The following DIAPH3 variants were observed in gnomAD, a reference collection of about 807,000 sequenced individuals.
The protein encoded by DIAPH3 is protein diaphanous homolog 3.
Under a neutral mutation model 144.3 loss-of-function variants are expected in DIAPH3, and 117 were observed. The ratio of observed to expected loss-of-function variants is 0.81; its 90% CI spans 0.70 to 0.95. The LOEUF (loss-of-function observed/expected upper bound fraction) is 0.95. DIAPH3 is among the 40% of genes least tolerant of loss of function. The pLI is 0.00. For missense variants in DIAPH3, 1,421 were observed against 1,412.7 expected (o/e 1.01, Z -0.09); for synonymous variants, 519 against 488.9 (o/e 1.06, Z -0.81).
chr13:59,861,631 G>T (rs2043596308), intron 21 of DIAPH3, 95 bp from the exon 22 acceptor site: 2 of 1,331,090 alleles, frequency 1.5e-6, no homozygotes, highest in African/African-American at 1.5e-5. Flanking sequence ...TGTAGATAAG[G>T]ACTAAAAGTT....
chr13:60,083,516 T>G (rs931332671), intron 4 of DIAPH3, among the ~76,000 whole-genome samples: 2 of 152,034 alleles, frequency 1.3e-5, no homozygotes, highest in Non-Finnish European at 1.5e-5. Flanking sequence ...TAGCTGTCTC[T>G]GTGCAGGAAA....
intron 4 of DIAPH3, among the ~76,000 whole-genome samples, chr13:60,065,257 A>G (rs2056912356): frequency 2.0e-5 from 3 of 149,056 alleles, no homozygotes; most frequent in Admixed American, 6.7e-5. Context: ...ATTTATTAAA[A>G]AAAAAAAAAA....
At chr13:59,701,228 A>C (rs1481378209) in intron 27 of DIAPH3, among the ~76,000 whole-genome samples, 1 of 152,248 alleles carries the variant, frequency 6.6e-6, no homozygotes, top group Non-Finnish European at 1.5e-5. Flanking sequence ...GAATGTTCGC[A>C]ATATGATATA....
chr13:60,156,297 T>G (rs904163397), intron 1 of DIAPH3, among the ~76,000 whole-genome samples: 22 of 152,178 alleles, frequency 1.4e-4, no homozygotes, highest in Admixed American at 1.4e-3. Flanking sequence ...CTTAATCATC[T>G]GTGTAAAGTC....
chr13:59,943,390 G>A (rs1280929429), intron 17 of DIAPH3, among the ~76,000 whole-genome samples: 8 of 152,100 alleles, frequency 5.3e-5, no homozygotes, highest in Admixed American at 3.3e-4. Context: ...TCCATTTCCT[G>A]GGGAAGGACG....
At chr13:59,829,578 G>A (rs145967912) in intron 24 of DIAPH3, among the ~76,000 whole-genome samples, 9 of 151,946 alleles carry the variant, frequency 5.9e-5, no homozygotes, top group African/African-American at 1.4e-4. Context: ...AGCTCCAGAC[G>A]CATGGTTAGC....
rs961442329 is a variant in DIAPH3, at chr13:59,916,994, C to T, written c.2171-745G>A. 2.6e-5 allele frequency among the ~76,000 whole-genome samples: 4 copies of T among 152,142 alleles called. No homozygotes were observed. In the South Asian group the frequency reaches 8.3e-4, roughly 32 times the overall value. On this transcript the variant is annotated intron_variant, in intron 18 of 27. Coordinates refer to ENST00000400324, the MANE Select transcript of DIAPH3 (RefSeq NM_001042517.2). ...GATATTTTCACAGCAACAGATACAA[C>T]GCTTTTGCTAGTTCAACCCTTATTG...
chr13:60,127,911 T>C (rs1223585546), intron 2 of DIAPH3, among the ~76,000 whole-genome samples: 1 of 152,162 alleles, frequency 6.6e-6, no homozygotes, highest in Non-Finnish European at 1.5e-5. Flanking sequence ...TCAACTTTTT[T>C]TTTAACTTTT....
intron 4 of DIAPH3, among the ~76,000 whole-genome samples, chr13:60,081,856 C>T (rs1172854634): frequency 1.3e-5 from 2 of 151,986 alleles, no homozygotes; most frequent in African/African-American, 4.8e-5. Flanking sequence ...TGAGTGACTA[C>T]AAGAGGCCCA....
At chr13:59,711,813 C>A (rs1455695518) in intron 27 of DIAPH3, among the ~76,000 whole-genome samples, 1 of 152,076 alleles carries the variant, frequency 6.6e-6, no homozygotes, top group East Asian at 1.9e-4. Flanking sequence ...TCATTTGGCA[C>A]AGAGTTAACA....
intron 1 of DIAPH3, among the ~76,000 whole-genome samples, chr13:60,157,089 C>T (rs886872614): frequency 1.3e-5 from 2 of 151,284 alleles, no homozygotes; most frequent in Non-Finnish European, 2.9e-5. Context: ...GGATTACAGG[C>T]GCCCACTGCC....
rs1412232980 is a variant in DIAPH3 at position 59,830,622 on chromosome 13, A to T, written c.3027+2485T>A. Among the ~76,000 whole-genome samples the T allele has an allele frequency of 2.0e-5, 3 of 151,872 alleles. No homozygotes were observed. The East Asian group carries it at 5.8e-4, about 29-fold the overall frequency. ...TTCTCTCTCTGCCCACTATTTGCCC[A>T]CATGAAATGCCAAGTTACCCACAGA... is the stretch of plus-strand genomic sequence containing the variant. On this transcript the variant is annotated intron_variant, in intron 24 of 27. Transcript: ENST00000400324.
chr13:60,094,229 G>C (rs2058040016), intron 3 of DIAPH3, among the ~76,000 whole-genome samples: 5 of 152,070 alleles, frequency 3.3e-5, no homozygotes, highest in Admixed American at 3.3e-4. Flanking sequence ...GCACTTTATA[G>C]TTTTGTCTTT....
At chr13:60,072,029 C>T (rs1252562279) in intron 4 of DIAPH3, among the ~76,000 whole-genome samples, 5 of 152,102 alleles carry the variant, frequency 3.3e-5, no homozygotes, top group African/African-American at 7.2e-5. Flanking sequence ...GGGGCACATT[C>T]GCCAACCCCC....
At chr13:60,097,252 A>G (rs569641812) in intron 3 of DIAPH3, among the ~76,000 whole-genome samples, 46 of 152,288 alleles carry the variant, frequency 3.0e-4, no homozygotes, top group African/African-American at 8.9e-4. Context: ...TTGATCCCCA[A>G]TGTTGGAAGT....
Position 59,861,471 on chromosome 13 carries a change from T to G in DIAPH3, c.2673A>C (p.Glu891Asp), listed in dbSNP as rs2043582543. 1 of 1,613,714 alleles carries G rather than the reference T, an allele frequency of 6.2e-7. No homozygotes were observed. Among genetic ancestry groups the G allele is most frequent in the South Asian group, 1.1e-5 (1 of 91,070 alleles). ...AATTCAGTATATCAGGGTACTTCTC[T>G]TCACATATTTCTACCAGGAAATGAA... ...TLLHFLVEICEEKYPDILNFV... is the reference protein window; with the variant it reads ...TLLHFLVEICDEKYPDILNFV... Residue 891 changes from glutamate (E) to aspartate (D), a missense_variant, in exon 22 of 28, where the codon GAA becomes GAC. Coordinates refer to ENST00000400324, the MANE Select transcript of DIAPH3 (RefSeq NM_001042517.2).
chr13:59,724,791 A>T lies in DIAPH3; in HGVS notation c.3319+49398T>A, dbSNP rs74598604. 5.0e-3 allele frequency among the ~76,000 whole-genome samples: 761 copies of T among 152,314 alleles called. 7 individuals are homozygous for T. Among genetic ancestry groups the T allele is most frequent in the African/African-American group, 0.018 (730 of 41,574 alleles). The stretch of plus-strand genomic sequence containing the variant: ...AATAGAAATCACCTTCCTAATTTTT[A>T]CACCTTTGGGGAATAGAAAGTACTT... On this transcript the variant is annotated intron_variant, in intron 27 of 27. Coordinates refer to ENST00000400324, the MANE Select transcript of DIAPH3 (RefSeq NM_001042517.2).
At chr13:59,793,451 G>A (rs1439173156) in intron 25 of DIAPH3, among the ~76,000 whole-genome samples, 1 of 151,872 alleles carries the variant, frequency 6.6e-6, no homozygotes, top group Admixed American at 6.6e-5. Flanking sequence ...AACTCTTTAC[G>A]CTATTCTTTG....
chr13:60,087,068 C>A (rs538124478), intron 4 of DIAPH3, among the ~76,000 whole-genome samples: 13 of 152,090 alleles, frequency 8.5e-5, no homozygotes, highest in Admixed American at 2.0e-4. Context: ...ATACCCAATA[C>A]AACGTAAATG....
Sources: gnomAD v4.1 joint callset for allele counts (sites outside exome capture counted in the v4.1 genomes callset) on GRCh38, gnomAD v4.1.1 for gene constraint, MANE v1.5 for transcripts, NCBI Gene and HGNC (gene_info 2026-07-23, HGNC 2026-07-21) for gene names.